The following JAK1 variants were observed in gnomAD, a reference collection of about 807,000 sequenced individuals.
JAK1 encodes Janus kinase 1, also known as tyrosine-protein kinase JAK1.
JAK1 carries 16 observed loss-of-function variants against 136.6 expected under a neutral mutation model. That is an observed-to-expected ratio of 0.12 (90% CI 0.08 to 0.18). The LOEUF (loss-of-function observed/expected upper bound fraction) is 0.18. Among genes scored for constraint, JAK1 ranks in the 10% least tolerant of loss-of-function variants. The pLI is 1.00. For synonymous variants in JAK1, 492 were observed against 519.5 expected, an observed-to-expected ratio of 0.95 and a Z score of 0.72; for missense variants, 859 against 1,450.1, an observed-to-expected ratio of 0.59 and a Z score of 6.62.
intron 1 of JAK1, among the ~76,000 whole-genome samples, chr1:64,939,641 C>A (rs1213672668): frequency 1.3e-5 from 2 of 152,112 alleles, no homozygotes; most frequent in Non-Finnish European, 2.9e-5. Flanking sequence ...AGGAGCTGGG[C>A]ACATAGTAGA....
At chr1:65,050,923 C>A (rs913891720) in intron 1 of JAK1, among the ~76,000 whole-genome samples, 1 of 152,312 alleles carries the variant, frequency 6.6e-6, no homozygotes. Context: ...ACATGGAGAA[C>A]TCTTCTACTC....
At chr1:64,910,843 C>CA (rs369528546) in intron 1 of JAK1, among the ~76,000 whole-genome samples, 2,676 of 89,144 alleles carry the variant, frequency 0.03, 155 homozygotes, top group African/African-American at 0.089. Context: ...GACTCTGTCT[C>CA]AAAAAAAAAA....
At chr1:64,949,172 CATTAT>C (rs1192719899) in intron 1 of JAK1, among the ~76,000 whole-genome samples, 1 of 152,168 alleles carries the variant, frequency 6.6e-6, no homozygotes, top group African/African-American at 2.4e-5. Flanking sequence ...TTCAGATTTG[CATTAT>C]AGAATTGTTT....
At chr1:64,859,279 A>G (rs1404225640) in intron 9 of JAK1, among the ~76,000 whole-genome samples, 1 of 152,250 alleles carries the variant, frequency 6.6e-6, no homozygotes, top group African/African-American at 2.4e-5. Flanking sequence ...AAGGGCTGTC[A>G]TATGTAAGAG....
At chr1:64,982,098 ACACG>A (rs1337881758) in intron 2 of JAK1, among the ~76,000 whole-genome samples, 1 of 150,166 alleles carries the variant, frequency 6.7e-6, no homozygotes, top group Non-Finnish European at 1.5e-5. Flanking sequence ...ACACACACAC[ACACG>A]CACACACACA....
At chr1:65,066,823 G>A (rs1487732339) in intron 1 of JAK1, 2 of 152,958 alleles carry the variant, frequency 1.3e-5, no homozygotes, top group South Asian at 2.1e-4. Flanking sequence ...ACAACATCCA[G>A]GCTCTATTTA....
At chr1:65,003,658 G>T (rs1359640659) in intron 2 of JAK1, 1 of 152,046 alleles carries the variant, frequency 6.6e-6, no homozygotes, top group East Asian at 1.9e-4. Flanking sequence ...GCTAATTAAT[G>T]TGGAAGGCAG....
rs181011537 is a variant in JAK1 at position 64,864,978 on chromosome 1, A to G, written c.991-6T>C. The G allele has an allele frequency of 4.5e-4, 725 of 1,606,684 alleles. No individual in the cohort carries two copies. The highest frequency in any genetic ancestry group is 5.8e-4 in the Non-Finnish European group (684 of 1,175,152). On this transcript the variant is annotated splice_region_variant and splice_polypyrimidine_tract_variant and intron_variant, in intron 7 of 24. Coordinates refer to ENST00000342505, the MANE Select transcript of JAK1 (RefSeq NM_002227.4). ...TCCTTTTCAACAGAAACAACCTGAT[A>G]AGATACATAAAAGGGACAGGGTTAA...
chr1:65,056,690 G>A (rs747948428), intron 1 of JAK1, among the ~76,000 whole-genome samples: 2 of 152,126 alleles, frequency 1.3e-5, no homozygotes, highest in Admixed American at 6.5e-5. Context: ...TTGGGAGGCT[G>A]AGGGTAGGAG....
intron 1 of JAK1, among the ~76,000 whole-genome samples, chr1:64,944,299 T>C (rs151184938): frequency 6.6e-6 from 1 of 152,200 alleles, no homozygotes; most frequent in African/African-American, 2.4e-5. Context: ...TTTATCACTT[T>C]TTACTAATAA....
chr1:64,944,130 G>T (rs566907371), intron 1 of JAK1, among the ~76,000 whole-genome samples: 2 of 149,114 alleles, frequency 1.3e-5, no homozygotes, highest in Non-Finnish European at 3.0e-5. Context: ...GCTGAGGCAG[G>T]AGAATGGCAT....
At chr1:65,024,481 T>C (rs745992282) in intron 2 of JAK1, among the ~76,000 whole-genome samples, 2 of 152,046 alleles carry the variant, frequency 1.3e-5, no homozygotes, top group Non-Finnish European at 2.9e-5. Context: ...TCCTAATTGA[T>C]TCTTAACTTG....
chr1:64,923,659 C>T (rs1287854482), intron 1 of JAK1, among the ~76,000 whole-genome samples: 1 of 152,116 alleles, frequency 6.6e-6, no homozygotes, highest in African/African-American at 2.4e-5. Flanking sequence ...ACTTCGAAAC[C>T]ACCAGCCAAA....
At chr1:64,861,379 G>C (rs1656329218) in intron 8 of JAK1, among the ~76,000 whole-genome samples, 1 of 152,156 alleles carries the variant, frequency 6.6e-6, no homozygotes, top group Non-Finnish European at 1.5e-5. Context: ...GAAGAGGAGG[G>C]AGGGGATTTC....
rs77001311 is a variant in JAK1 at position 65,009,418 on chromosome 1, A to G, written c.-78+35062T>C. ...GGGGTGGAGGTAAAGAGTGACATTT[A>G]CATTTTATGACATATGTTACATGCT... On this transcript the variant is annotated intron_variant, in intron 2 of 25. Transcript: ENST00000671954. Among the ~76,000 whole-genome samples the G allele has an allele frequency of 9.3e-3, 1,411 of 152,326 alleles. 23 individuals are homozygous for G. The highest frequency in any genetic ancestry group is 0.032 in the African/African-American group (1,350 of 41,572).
chr1:64,884,362 C>T (rs941901637), intron 2 of JAK1, among the ~76,000 whole-genome samples: 13 of 152,204 alleles, frequency 8.5e-5, no homozygotes, highest in African/African-American at 3.1e-4. Context: ...CAAACTAATT[C>T]GCTGACCCCA....
Position 64,868,029 on chromosome 1 carries a change from T to TGAGA in JAK1, c.648-825_648-822dup, listed in dbSNP as rs973851660. On this transcript the variant is annotated intron_variant, in intron 6 of 24. Transcript: ENST00000342505. ...ACAAAAAAGAGAGAGAGAGAGAGAG[T>TGAGA]GAGAGAGAGAGAGAGAAAGACATAC... is the stretch of plus-strand genomic sequence containing the variant. Among the ~76,000 whole-genome samples, 99 of 128,338 alleles carry TGAGA rather than the reference T, an allele frequency of 7.7e-4. 8 individuals carry two copies. The allele number at this position is 128,338 out of a possible 152,430, so 84.2% of individuals were successfully genotyped here. A position where few individuals can be genotyped will look rare whatever the true frequency, so the allele number is the denominator to read the frequency against.
At chr1:64,989,588 C>A (rs1426958621) in intron 2 of JAK1, 1 of 152,108 alleles carries the variant, frequency 6.6e-6, no homozygotes, top group African/African-American at 2.4e-5. Flanking sequence ...ATGCTCACCT[C>A]TGTTTGCCTA....
intron 2 of JAK1, among the ~76,000 whole-genome samples, chr1:65,036,309 T>C (rs1647074241): frequency 6.6e-6 from 1 of 151,864 alleles, no homozygotes; most frequent in Admixed American, 6.6e-5. Context: ...GCGGTACACA[T>C]CTGTAGTCCT....
Sources: allele counts gnomAD v4.1 joint callset (sites outside exome capture counted in the v4.1 genomes callset), GRCh38; gene constraint gnomAD v4.1.1; transcripts MANE v1.5; gene names NCBI Gene and HGNC (gene_info 2026-07-23, HGNC 2026-07-21).